ABCA12: variants seen among roughly 807,000 people sequenced by gnomAD.
ABCA12 encodes the protein ATP binding cassette subfamily A member 12.
A neutral mutation model predicts 293.5 loss-of-function variants in ABCA12; 156 were observed. The observed-to-expected ratio is 0.53, with a 90% CI of 0.47 to 0.61. The LOEUF is 0.61. ABCA12 is among the 20% of genes least tolerant of loss of function. The pLI is 0.00. For synonymous variants in ABCA12, 1,063 were observed against 1,108.0 expected, an observed-to-expected ratio of 0.96 and a Z score of 0.81; for missense variants, 2,797 against 3,090.2, an observed-to-expected ratio of 0.91 and a Z score of 2.25.
At chr2:215,092,552 C>A (rs1440241710) in intron 2 of ABCA12, among the ~76,000 whole-genome samples, 1 of 152,032 alleles carries the variant, frequency 6.6e-6, no homozygotes, top group African/African-American at 2.4e-5. Context: ...ACCTAATCAC[C>A]CTTACCCCAC....
chr2:214,943,577 C>A (rs905935621), intron 49 of ABCA12, among the ~76,000 whole-genome samples: 2 of 152,154 alleles, frequency 1.3e-5, no homozygotes, highest in African/African-American at 4.8e-5. Context: ...CCATCTCTCT[C>A]TCACCTGGAA....
intron 8 of ABCA12, among the ~76,000 whole-genome samples, chr2:215,035,578 T>C (rs1165164848): frequency 2.0e-5 from 3 of 151,252 alleles, no homozygotes; most frequent in East Asian, 1.9e-4. Context: ...AGGCAGAGAA[T>C]TGCTTGAACC....
chr2:215,035,394 A>G (rs867927584), intron 8 of ABCA12, among the ~76,000 whole-genome samples: 36 of 152,176 alleles, frequency 2.4e-4, no homozygotes, highest in Middle Eastern at 3.4e-3. Flanking sequence ...CAAAAGCCAG[A>G]CGTGGTGGCT....
In ABCA12 at chr2:215,016,582, CAAAAAAAAAAAAA is replaced by C. The variant is rs71041981; in HGVS notation, c.1783-932_1783-920del. Among the ~76,000 whole-genome samples, 109 of 29,944 alleles carry C rather than the reference CAAAAAAAAAAAAA, an allele frequency of 3.6e-3. 3 individuals carry two copies. In the South Asian group the frequency reaches 0.046, roughly 13 times the overall value. 19.6% of individuals were successfully genotyped at this position (29,944 alleles called of 152,430 possible). A position where few individuals can be genotyped will look rare whatever the true frequency, so the allele number is the denominator to read the frequency against. ...TGGGCAACAGACCATGACTCTGTCT[CAAAAAAAAAAAAA>C]AAAAAAAAAAAAAAAAAAAGACTTT... On this transcript the variant is annotated intron_variant, in intron 14 of 52. Transcript: ENST00000272895.
intron 49 of ABCA12, among the ~76,000 whole-genome samples, 165 bp downstream of exon 49, chr2:214,944,836 A>T (rs1698528260): frequency 6.6e-6 from 1 of 151,450 alleles, no homozygotes; most frequent in South Asian, 2.1e-4. Context: ...TTGTCTATAT[A>T]TATACATATA....
intron 6 of ABCA12, 150 bp from the exon 7 acceptor site, chr2:215,046,165 G>T: frequency 1.4e-6 from 1 of 722,742 alleles, no homozygotes; most frequent in Admixed American, 2.8e-5. Context: ...CTTTTATTTG[G>T]AAAACCAGCA....
chr2:214,977,934 A>G (rs1699557708), intron 33 of ABCA12, among the ~76,000 whole-genome samples: 1 of 147,982 alleles, frequency 6.8e-6, no homozygotes. Flanking sequence ...CAACATGTCT[A>G]ATAACAAGGA....
intron 1 of ABCA12, among the ~76,000 whole-genome samples, chr2:215,119,046 C>T (rs1387312101): frequency 2.0e-5 from 3 of 152,242 alleles, no homozygotes; most frequent in Non-Finnish European, 4.4e-5. Flanking sequence ...TCTCGGCTCA[C>T]TGCAACCTCC....
chr2:215,134,652 G>GAAAC (rs1175246454), intron 1 of ABCA12, among the ~76,000 whole-genome samples: 1 of 101,560 alleles, frequency 9.8e-6, no homozygotes, highest in African/African-American at 4.4e-5. Flanking sequence ...CAAACAGAGA[G>GAAAC]AGAGAGAGAG....
intron 2 of ABCA12, chr2:215,075,653 A>G (rs1701820841): frequency 1.5e-6 from 1 of 651,354 alleles, no homozygotes; most frequent in East Asian, 2.8e-5. Flanking sequence ...AGTATTAAGC[A>G]CTTAAAATGA....
At position 214,931,824 on chromosome 2, in the gene ABCA12, T is replaced by TAA. The variant is rs376836707; in HGVS notation, c.*808_*809dup. 12 of 152,472 alleles carry TAA rather than the reference T, an allele frequency of 7.9e-5. No homozygotes were observed. The highest frequency in any genetic ancestry group is 2.9e-4 in the African/African-American group (12 of 41,538). 9.4% of individuals were successfully genotyped at this position (152,472 alleles called of 1,614,324 possible). On this transcript the variant is annotated 3_prime_UTR_variant, in exon 53 of 53. Coordinates refer to ENST00000272895, the MANE Select transcript of ABCA12 (RefSeq NM_173076.3). The stretch of plus-strand genomic sequence containing the variant: ...AATATGAGGGTTTCTGAAAGAGCTT[T>TAA]AAAAAATGTTGCCTGCCAGTAGCAC...
chr2:215,003,137 G>C (rs761316583), intron 20 of ABCA12, among the ~76,000 whole-genome samples: 1 of 152,064 alleles, frequency 6.6e-6, no homozygotes, highest in Non-Finnish European at 1.5e-5. Flanking sequence ...AATCATTTAC[G>C]TCCCAGCAGT....
chr2:215,038,570 G>C (rs1233682513), intron 7 of ABCA12, among the ~76,000 whole-genome samples: 2 of 152,156 alleles, frequency 1.3e-5, no homozygotes, highest in Non-Finnish European at 2.9e-5. Context: ...TACATGACTG[G>C]TGACACCTCA....
rs140233352 is a variant in ABCA12 at position 215,078,406 on chromosome 2, G to A, written c.164-14187C>T. 1.8e-3 allele frequency among the ~76,000 whole-genome samples: 280 copies of A among 152,218 alleles called. 1 individual carries two copies. The highest frequency in any genetic ancestry group is 6.2e-3 in the African/African-American group (259 of 41,514). On this transcript the variant is annotated intron_variant, in intron 2 of 52. Transcript: ENST00000272895. ...TTCCTTGAGAGAATACTGATCTAAT[G>A]GTTTCATATGATTTTACTGTATGGA... is the stretch of plus-strand genomic sequence containing the variant.
chr2:215,134,547 C>CGCATATATGTACATATATAT (rs1575066299), intron 1 of ABCA12, among the ~76,000 whole-genome samples: 21 of 94,364 alleles, frequency 2.2e-4, no homozygotes, highest in African/African-American at 5.9e-4. Flanking sequence ...TACATATATA[C>CGCATATATGTACATATATAT]GTATATGTAT....
In ABCA12 at chr2:215,019,953, A is replaced by G. The variant is rs116623410; in HGVS notation, c.1288-157T>C. ...TTTGGCGTTAGTTTTATTATGAAGT[A>G]CTACCGTCTGTCATTTGAGTTTATT... On this transcript the variant is annotated intron_variant, in intron 11 of 52. Coordinates refer to ENST00000272895, the MANE Select transcript of ABCA12 (RefSeq NM_173076.3). Among the ~76,000 whole-genome samples, 930 of 152,288 alleles carry G rather than the reference A, an allele frequency of 6.1e-3. 9 individuals are homozygous for G. Among genetic ancestry groups the G allele is most frequent in the African/African-American group, 0.021 (871 of 41,550 alleles).
At position 214,934,217 on chromosome 2, in the gene ABCA12, T is replaced by C; in HGVS notation, c.7543-2A>G. 5.6e-6 allele frequency: 9 copies of C among 1,613,706 alleles called. No homozygotes were observed. The highest frequency in any genetic ancestry group is 7.6e-6 in the Non-Finnish European group (9 of 1,179,700). Reference sequence around the variant, plus strand: ...CTCTAGCATGCTGAGGTGCTGATCCTGTGGGAACCAAAGGAAAAAAGTTTA... The same window carrying C: ...CTCTAGCATGCTGAGGTGCTGATCCCGTGGGAACCAAAGGAAAAAAGTTTA... On this transcript the variant is annotated splice_acceptor_variant, in intron 51 of 52. Transcript: ENST00000272895. LOFTEE classifies it high-confidence loss of function.
chr2:215,104,810 A>G (rs1364624003), intron 2 of ABCA12, among the ~76,000 whole-genome samples: 1 of 152,176 alleles, frequency 6.6e-6, no homozygotes, highest in Non-Finnish European at 1.5e-5. Context: ...CGTATTTGTG[A>G]TGGAAATTCC....
intron 7 of ABCA12, among the ~76,000 whole-genome samples, chr2:215,043,171 T>A (rs1467076469): frequency 6.6e-6 from 1 of 152,204 alleles, no homozygotes; most frequent in Admixed American, 6.5e-5. Context: ...TGATGAGTGA[T>A]GTTGAGCATT....
Sources: gnomAD v4.1 joint callset for allele counts (sites outside exome capture counted in the v4.1 genomes callset) on GRCh38, gnomAD v4.1.1 for gene constraint, MANE v1.5 for transcripts, NCBI Gene and HGNC (gene_info 2026-07-23, HGNC 2026-07-21) for gene names.